L1CAM: variants seen among roughly 807,000 people sequenced by gnomAD.
L1CAM encodes the protein L1 cell adhesion molecule, also known as neural cell adhesion molecule L1.
L1CAM carries 8 observed loss-of-function variants against 93.0 expected under a neutral mutation model. The ratio of observed to expected loss-of-function variants is 0.09; its 90% CI spans 0.05 to 0.16. L1CAM has a LOEUF of 0.16. Among genes scored for constraint, L1CAM ranks in the 10% least tolerant of loss-of-function variants. The pLI is 1.00. For synonymous variants in L1CAM, 453 were observed against 453.0 expected (o/e 1.00, Z 0.00); for missense variants, 777 against 1,073.4 (o/e 0.72, Z 3.86).
intron 1 of L1CAM, among the ~76,000 whole-genome samples, chrX:153,884,718 G>A (rs1557096571): frequency 8.9e-6 from 1 of 112,659 alleles, no homozygotes; most frequent in African/African-American, 3.2e-5. Flanking sequence ...GCACTGCATG[G>A]GAGCTGTGCC....
chrX:153,873,002 G>A (rs2064786234), intron 3 of L1CAM: 2 of 458,788 alleles, frequency 4.4e-6, no homozygotes, highest in South Asian at 6.4e-5. Flanking sequence ...AGGGGAGAAG[G>A]GACCAGAGAG....
At chrX:153,874,215 G>C (rs1172823828) in intron 2 of L1CAM, among the ~76,000 whole-genome samples, 1 of 112,954 alleles carries the variant, frequency 8.9e-6, no homozygotes, top group Non-Finnish European at 1.9e-5. Context: ...CCACTGTGTC[G>C]TATCAGGGTC....
At chrX:153,869,205 C>T (rs2064744415) in intron 11 of L1CAM, 1 of 450,048 alleles carries the variant, frequency 2.2e-6, no homozygotes, top group Non-Finnish European at 3.9e-6. Context: ...TCACCTCTCC[C>T]CAGAAGCCTT....
At chrX:153,877,287 C>CAAAAAAAAAAAA (rs34384910) in intron 1 of L1CAM, among the ~76,000 whole-genome samples, 2 of 12,815 alleles carry the variant, frequency 1.6e-4, no homozygotes, top group Non-Finnish European at 1.7e-4. Context: ...ACTAAAAATA[C>CAAAAAAAAAAAA]AAAAAAAAAA....
At chrX:153,863,623 G>A (rs970627944) in intron 26 of L1CAM, 74 bp from the exon 27 acceptor site, 70 of 953,518 alleles carry the variant, frequency 7.3e-5, no homozygotes, top group African/African-American at 9.6e-5. Context: ...TCTACGCCCC[G>A]CACCCCCAGC....
chrX:153,869,103 T>C, intron 11 of L1CAM, 151 bp from the exon 12 acceptor site: 1 of 503,737 alleles, frequency 2.0e-6, no homozygotes. Flanking sequence ...CCAGGCTGTG[T>C]CTCTCTCTGC....
At chrX:153,867,688 A>T in intron 16 of L1CAM, 112 bp downstream of exon 16, 1 of 954,381 alleles carries the variant, frequency 1.0e-6, no homozygotes, top group Non-Finnish European at 1.5e-6. Context: ...AGGAACCGTG[A>T]GTCCCCCCAA....
intron 1 of L1CAM, among the ~76,000 whole-genome samples, chrX:153,882,198 G>A (rs1390569037): frequency 3.6e-5 from 4 of 111,895 alleles, no homozygotes; most frequent in Admixed American, 9.4e-5. Flanking sequence ...CAGGAAGCCC[G>A]GGGGCGGACA....
At chrX:153,884,964 TG>T (rs1287851326) in intron 1 of L1CAM, among the ~76,000 whole-genome samples, 6 of 112,441 alleles carry the variant, frequency 5.3e-5, no homozygotes, top group African/African-American at 1.9e-4. Flanking sequence ...GGTATCTACC[TG>T]GGGGGTGCCA....
In L1CAM at chrX:153,862,916, G is replaced by T. The variant is rs199975913; in HGVS notation, c.3543-22C>A. On this transcript the variant is annotated intron_variant, in intron 28 of 28. Coordinates refer to ENST00000370060, the MANE Select transcript of L1CAM (RefSeq NM_001278116.2). ...GTCACTGCAGAGGCACAGGGCAGGT[G>T]CGAGTGAGAGCACTGCCGAGCCCCT... The T allele has an allele frequency of 1.7e-3, 1,942 of 1,139,663 alleles. 2 individuals are homozygous for T. The highest frequency in any genetic ancestry group is 2.2e-3 in the Non-Finnish European group (1,862 of 837,799). 93.9% of individuals were successfully genotyped at this position (1,139,663 alleles called of 1,213,427 possible). A position where few individuals can be genotyped will look rare whatever the true frequency, so the allele number is the denominator to read the frequency against.
intron 26 of L1CAM, 74 bp downstream of exon 26, chrX:153,863,809 C>A: frequency 8.4e-7 from 1 of 1,185,817 alleles, no homozygotes; most frequent in Non-Finnish European, 1.1e-6. Context: ...GGAGGCCTTG[C>A]AGAAGGGTGG....
chrX:153,865,170 C>T lies in L1CAM; in HGVS notation c.2790G>A (p.Ser930=). 3.3e-6 allele frequency: 4 copies of T among 1,208,517 alleles called. No individual in the cohort carries two copies. The highest frequency in any genetic ancestry group is 4.5e-6 in the Non-Finnish European group (4 of 894,329). Residue 930 remains serine (S), a synonymous_variant, in exon 22 of 29, where the codon TCG becomes TCA. Coordinates refer to ENST00000370060, the MANE Select transcript of L1CAM (RefSeq NM_001278116.2). ...GCCAGCGCAGCAGCAGGCTGGTGTT[C>T]GACTGGCACTCCAGGTGCAACGCCT... ...HPEALHLECQ[S]NTSLLLRWQP... is the part of the protein sequence containing the mutation.
intron 28 of L1CAM, 69 bp downstream of exon 28, chrX:153,863,299 G>T: frequency 1.8e-6 from 2 of 1,126,652 alleles, no homozygotes; most frequent in South Asian, 3.7e-5. Flanking sequence ...AGGGGACAAT[G>T]GCACACCAGG....
At position 153,868,873 on chromosome X, in the gene L1CAM, C is replaced by T; in HGVS notation, c.1347G>A (p.Lys449=). Residue 449 remains lysine (K), a synonymous_variant, in exon 12 of 29, where the codon AAG becomes AAA. Coordinates refer to ENST00000370060, the MANE Select transcript of L1CAM (RefSeq NM_001278116.2). ...VQGSTAYLLC[K]AFGAPVPSVQ... The stretch of plus-strand genomic sequence containing the variant: ...CACTGGGCACAGGCGCTCCGAAGGC[C>T]TTGCACAGAAGGTAGGCAGTGCTGC... 1.8e-5 allele frequency: 22 copies of T among 1,211,601 alleles called. No homozygotes were observed. Among genetic ancestry groups the T allele is most frequent in the East Asian group, 3.0e-5 (1 of 33,859 alleles).
In L1CAM at chrX:153,869,629, A is replaced by G. The variant is rs1603275708; in HGVS notation, c.1158T>C (p.Arg386=). ...LAKDQKYRIQ[R]GALILSNVQP... The stretch of plus-strand genomic sequence containing the variant: ...GCACGTTGCTCAGGATCAGGGCGCC[A>G]CGCTGAATCCGGTACTTCTGGTCTT... The change falls in exon 11 of 29, where the codon CGT becomes CGC. Residue 386 remains arginine, a synonymous_variant. Transcript: ENST00000370060. The G allele has an allele frequency of 8.3e-7, 1 of 1,209,100 alleles. No homozygotes were observed. Among genetic ancestry groups the G allele is most frequent in the Non-Finnish European group, 1.1e-6 (1 of 894,278 alleles).
Position 153,873,350 on chromosome X carries a change from C to T in L1CAM, c.77-108G>A, listed in dbSNP as rs1033188932. ...ACATAGTAAGCTCCTGCAGCCCCCCCGTGGAGAGGGAATGGCAGGAGAGGA... is the reference window on the plus strand; with the variant it reads ...ACATAGTAAGCTCCTGCAGCCCCCCTGTGGAGAGGGAATGGCAGGAGAGGA... On this transcript the variant is annotated intron_variant, in intron 2 of 28. Transcript: ENST00000370060. 2.1e-4 allele frequency: 175 copies of T among 835,914 alleles called. 1 individual carries two copies. The highest frequency in any genetic ancestry group is 2.2e-4 in the Non-Finnish European group (121 of 555,951). 68.9% of individuals were successfully genotyped at this position (835,914 alleles called of 1,213,427 possible). A position where few individuals can be genotyped will look rare whatever the true frequency, so the allele number is the denominator to read the frequency against.
intron 1 of L1CAM, among the ~76,000 whole-genome samples, chrX:153,876,591 T>C (rs1356141767): frequency 8.9e-6 from 1 of 112,848 alleles, no homozygotes; most frequent in Non-Finnish European, 1.9e-5. Flanking sequence ...GCCTGGGTGC[T>C]GTACAGACCT....
chrX:153,862,971 G>T, intron 28 of L1CAM, 77 bp from the exon 29 acceptor site: 6 of 782,431 alleles, frequency 7.7e-6, no homozygotes, highest in Non-Finnish European at 1.1e-5. Flanking sequence ...TGAGGCAGAC[G>T]CCCGCCTGCC....
chrX:153,871,678 G>A (rs1214737931), intron 5 of L1CAM, among the ~76,000 whole-genome samples: 9 of 111,313 alleles, frequency 8.1e-5, no homozygotes, highest in Admixed American at 1.9e-4. Context: ...GGGAAAAGGC[G>A]ACACAGATCA....
Sources: gnomAD v4.1 joint callset for allele counts (sites outside exome capture counted in the v4.1 genomes callset) on GRCh38, gnomAD v4.1.1 for gene constraint, MANE v1.5 for transcripts, NCBI Gene and HGNC (gene_info 2026-07-23, HGNC 2026-07-21) for gene names.